The following ATE1 variants were observed in gnomAD, a reference collection of about 807,000 sequenced individuals.
ATE1 encodes the protein arginyl-tRNA--protein transferase 1.
ATE1 carries 36 observed loss-of-function variants against 70.5 expected under a neutral mutation model. That is an observed-to-expected ratio of 0.51 (90% CI 0.39 to 0.67). The LOEUF (loss-of-function observed/expected upper bound fraction) is 0.67. Among genes scored for constraint, ATE1 ranks in the 30% least tolerant of loss-of-function variants. The pLI is 0.00. For missense variants in ATE1, 593 were observed against 629.5 expected (o/e 0.94, Z 0.62); for synonymous variants, 232 against 219.3 (o/e 1.06, Z -0.51).
At chr10:121,776,735 C>A (rs529608547) in intron 11 of ATE1, among the ~76,000 whole-genome samples, 2 of 152,212 alleles carry the variant, frequency 1.3e-5, no homozygotes, top group Non-Finnish European at 2.9e-5. Flanking sequence ...TAAGTGTGCA[C>A]GCATGCACGC....
chr10:121,841,314 C>A, intron 8 of ATE1, 51 bp from the exon 9 acceptor site: 1 of 1,188,692 alleles, frequency 8.4e-7, no homozygotes, highest in Non-Finnish European at 1.1e-6. Flanking sequence ...TTAAAATAAT[C>A]TTATAATTAA....
At chr10:121,791,902 G>A (rs1416315711) in intron 10 of ATE1, among the ~76,000 whole-genome samples, 3 of 152,202 alleles carry the variant, frequency 2.0e-5, no homozygotes, top group African/African-American at 7.2e-5. Context: ...CAGCCTAAGA[G>A]CTCGGCAGTG....
At chr10:121,910,117 C>G (rs760799257) in intron 5 of ATE1, among the ~76,000 whole-genome samples, 1 of 152,180 alleles carries the variant, frequency 6.6e-6, no homozygotes. Flanking sequence ...ATCAACTTAA[C>G]ATGAAAACCT....
At chr10:121,745,610 C>A (rs1224043527) in intron 11 of ATE1, among the ~76,000 whole-genome samples, 3 of 152,166 alleles carry the variant, frequency 2.0e-5, no homozygotes, top group African/African-American at 7.2e-5. Context: ...GCCTGTAGTC[C>A]CAGCTACTCA....
chr10:121,898,742 C>A (rs1013589483), intron 7 of ATE1: 2 of 1,370,906 alleles, frequency 1.5e-6, no homozygotes, highest in Non-Finnish European at 2.0e-6. Context: ...CAGTAATACA[C>A]ACTGAAAGGG....
chr10:121,835,122 A>G (rs1948385191), intron 10 of ATE1, among the ~76,000 whole-genome samples: 2 of 152,202 alleles, frequency 1.3e-5, no homozygotes, highest in African/African-American at 4.8e-5. Context: ...TCTGTACAGA[A>G]CATATGTTAA....
At chr10:121,883,891 G>A (rs1480883159) in intron 7 of ATE1, among the ~76,000 whole-genome samples, 1 of 151,702 alleles carries the variant, frequency 6.6e-6, no homozygotes, top group Non-Finnish European at 1.5e-5. Context: ...GATCACTTGA[G>A]GTCAGGAGTT....
chr10:121,789,410 T>A (rs1171078326), intron 11 of ATE1, among the ~76,000 whole-genome samples: 2 of 151,278 alleles, frequency 1.3e-5, no homozygotes, highest in Admixed American at 1.3e-4. Flanking sequence ...GCGATTCTCC[T>A]GCCTCAGCCT....
intron 7 of ATE1, among the ~76,000 whole-genome samples, chr10:121,894,298 T>C (rs1207338514): frequency 1.3e-5 from 2 of 152,132 alleles, no homozygotes; most frequent in African/African-American, 4.8e-5. Flanking sequence ...GTTCTCCCTA[T>C]GGACTTTAAA....
At chr10:121,781,471 T>C (rs1945985669) in intron 11 of ATE1, among the ~76,000 whole-genome samples, 1 of 152,224 alleles carries the variant, frequency 6.6e-6, no homozygotes, top group Non-Finnish European at 1.5e-5. Context: ...GCCCCTCAGA[T>C]GTACACCAGG....
intron 11 of ATE1, among the ~76,000 whole-genome samples, chr10:121,744,474 A>G (rs1431488428): frequency 1.3e-5 from 2 of 152,152 alleles, no homozygotes; most frequent in African/African-American, 4.8e-5. Context: ...TTTCTGGCAC[A>G]TGATAAAGTT....
chr10:121,922,950 T>G (rs778974153), intron 2 of ATE1, among the ~76,000 whole-genome samples: 2 of 152,154 alleles, frequency 1.3e-5, no homozygotes, highest in African/African-American at 2.4e-5. Context: ...TTAGCAAGCT[T>G]TCCTTCATTT....
rs1450650666 is a variant in ATE1, at chr10:121,847,004, AC to A, written c.976-5742del. Among the ~76,000 whole-genome samples the A allele has an allele frequency of 1.1e-3, 162 of 152,324 alleles. 1 individual carries two copies. The highest frequency in any genetic ancestry group is 3.6e-3 in the African/African-American group (150 of 41,578). ...AATATTCTGTCTAACATGCTATTGA[AC>A]TGGAAGCCTAACCACCTACCTCAGA... On this transcript the variant is annotated intron_variant, in intron 8 of 11. Coordinates refer to ENST00000224652, the MANE Select transcript of ATE1 (RefSeq NM_001001976.3).
intron 11 of ATE1, among the ~76,000 whole-genome samples, chr10:121,766,882 G>A (rs7912947): frequency 2.6e-5 from 4 of 152,034 alleles, no homozygotes; most frequent in African/African-American, 9.7e-5. Flanking sequence ...TGGAAAATTC[G>A]AACAAACATT....
chr10:121,804,695 T>C (rs1280414158), intron 10 of ATE1, among the ~76,000 whole-genome samples: 1 of 151,796 alleles, frequency 6.6e-6, no homozygotes, highest in African/African-American at 2.4e-5. Flanking sequence ...AGTAATACAA[T>C]GTGGTACGCA....
chr10:121,887,597 T>C (rs1950445232), intron 7 of ATE1, among the ~76,000 whole-genome samples: 1 of 152,094 alleles, frequency 6.6e-6, no homozygotes, highest in African/African-American at 2.4e-5. Flanking sequence ...TCCTAGCTAC[T>C]TAGGAGGCTG....
intron 10 of ATE1, among the ~76,000 whole-genome samples, chr10:121,821,082 C>T (rs1278713330): frequency 1.3e-5 from 2 of 152,190 alleles, no homozygotes; most frequent in Non-Finnish European, 2.9e-5. Flanking sequence ...GCTGGGACTA[C>T]AGGCGCCCAC....
intron 11 of ATE1, among the ~76,000 whole-genome samples, chr10:121,773,298 T>G (rs1414538153): frequency 6.6e-6 from 1 of 152,222 alleles, no homozygotes; most frequent in East Asian, 1.9e-4. Flanking sequence ...TAGGAGACCC[T>G]ATCATAAAAA....
chr10:121,834,520 T>C lies in ATE1; in HGVS notation c.1257+2198A>G, dbSNP rs144566497. On this transcript the variant is annotated intron_variant, in intron 10 of 11. Coordinates refer to ENST00000224652, the MANE Select transcript of ATE1 (RefSeq NM_001001976.3). Reference sequence around the variant, plus strand: ...AAGGTAGACTGAAAAGCACATAGGGTATTTTTAAAATCTTTAACTTAAAAC... The same window carrying C: ...AAGGTAGACTGAAAAGCACATAGGGCATTTTTAAAATCTTTAACTTAAAAC... Among the ~76,000 whole-genome samples, 312 of 152,284 alleles carry C rather than the reference T, an allele frequency of 2.0e-3. 2 individuals are homozygous for C. Among genetic ancestry groups the C allele is most frequent in the African/African-American group, 7.2e-3 (298 of 41,566 alleles).
Sources: gnomAD v4.1 joint callset for allele counts (sites outside exome capture counted in the v4.1 genomes callset) on GRCh38, gnomAD v4.1.1 for gene constraint, MANE v1.5 for transcripts, NCBI Gene and HGNC (gene_info 2026-07-23, HGNC 2026-07-21) for gene names.